KLHL3: variants seen among roughly 807,000 people sequenced by gnomAD.
KLHL3 encodes kelch like family member 3, also known as kelch-like protein 3.
A neutral mutation model predicts 70.5 loss-of-function variants in KLHL3; 19 were observed. The observed-to-expected ratio is 0.27, with a 90% CI of 0.19 to 0.40. The LOEUF (loss-of-function observed/expected upper bound fraction) is 0.40, where lower values mean the gene tolerates loss of function less well. Among genes scored for constraint, KLHL3 ranks in the 10% least tolerant of loss-of-function variants. The probability of loss-of-function intolerance (pLI) is 1.00; values close to 1 mark genes in which losing one functional copy is unlikely to be tolerated. For missense variants in KLHL3, 512 were observed against 771.1 expected, an observed-to-expected ratio of 0.66 and a Z score of 3.98; for synonymous variants, 258 against 290.3, an observed-to-expected ratio of 0.89 and a Z score of 1.13.
chr5:137,673,197 G>A (rs1004239542), intron 6 of KLHL3, among the ~76,000 whole-genome samples: 3 of 152,166 alleles, frequency 2.0e-5, no homozygotes, highest in African/African-American at 7.2e-5. Flanking sequence ...TTAAATGAAG[G>A]TTGCCAGGTG....
chr5:137,702,739 A>G (rs1018643995), intron 3 of KLHL3, among the ~76,000 whole-genome samples: 10 of 152,198 alleles, frequency 6.6e-5, no homozygotes, highest in African/African-American at 2.4e-4. Context: ...AATATCAGGT[A>G]AAAGATGATG....
chr5:137,629,560 T>C (rs3777376), intron 12 of KLHL3: 26,141 of 152,260 alleles, frequency 0.17, 2,524 homozygotes, highest in Non-Finnish European at 0.22. Flanking sequence ...TTGTAGACTA[T>C]AACTCCATAT....
At chr5:137,623,397 G>A (rs1177714192) in intron 14 of KLHL3, among the ~76,000 whole-genome samples, 1 of 152,188 alleles carries the variant, frequency 6.6e-6, no homozygotes, top group Admixed American at 6.5e-5. Flanking sequence ...CCTGGCTAAA[G>A]GTGCAGACAC....
In KLHL3 at chr5:137,709,799, G is replaced by C; in HGVS notation, c.192C>G (p.His64Gln). The C allele has an allele frequency of 6.2e-7, 1 of 1,614,142 alleles. No homozygotes were observed. Among genetic ancestry groups the C allele is most frequent in the Non-Finnish European group, 8.5e-7 (1 of 1,180,014 alleles). Residue 64 changes from histidine to glutamine, a missense_variant, in exon 3 of 15, where the codon CAC (histidine) becomes CAG (glutamine). By Grantham distance (24) the His-to-Gln change is conservative (BLOSUM62 0). Transcript: ENST00000309755. The stretch of plus-strand genomic sequence containing the variant: ...GGCTGCAGGCTGCCAGGACCACACG[G>C]TGGGCTTCTATCTCGACATCTTCTG... ...IVAEDVEIEA[H>Q]RVVLAACSPY...
At chr5:137,704,705 T>G (rs1240032927) in intron 3 of KLHL3, among the ~76,000 whole-genome samples, 1 of 152,174 alleles carries the variant, frequency 6.6e-6, no homozygotes, top group African/African-American at 2.4e-5. Flanking sequence ...CAGTCTCTAT[T>G]CCTGAGCACC....
chr5:137,627,584 T>A (rs993315750), intron 13 of KLHL3, among the ~76,000 whole-genome samples: 6 of 151,236 alleles, frequency 4.0e-5, no homozygotes, highest in African/African-American at 1.2e-4. Flanking sequence ...TGTGTGTCCT[T>A]CCAGCCTGGG....
intron 2 of KLHL3, among the ~76,000 whole-genome samples, chr5:137,715,068 G>A (rs1431149013): frequency 6.6e-6 from 1 of 152,206 alleles, no homozygotes; most frequent in Non-Finnish European, 1.5e-5. Context: ...TTTGCTTGCT[G>A]GATGGTAAGT....
chr5:137,731,483 G>T (rs193022408), intron 1 of KLHL3, among the ~76,000 whole-genome samples: 1 of 152,168 alleles, frequency 6.6e-6, no homozygotes, highest in South Asian at 2.1e-4. Flanking sequence ...AACATTTAAA[G>T]TGTACTGGCT....
intron 11 of KLHL3, among the ~76,000 whole-genome samples, chr5:137,635,454 C>T (rs771274621): frequency 4.6e-5 from 7 of 152,212 alleles, no homozygotes; most frequent in African/African-American, 7.2e-5. Flanking sequence ...GGAGCTTCTG[C>T]CTACACTCCA....
At chr5:137,663,452 G>A (rs1405129101) in intron 6 of KLHL3, among the ~76,000 whole-genome samples, 4 of 151,242 alleles carry the variant, frequency 2.6e-5, no homozygotes, top group East Asian at 1.9e-4. Context: ...CATAACCTCC[G>A]CACATCCTCC....
intron 8 of KLHL3, among the ~76,000 whole-genome samples, chr5:137,650,783 T>G (rs933495997): frequency 6.7e-6 from 1 of 149,022 alleles, no homozygotes; most frequent in Non-Finnish European, 1.5e-5. Flanking sequence ...GATCGTGCCA[T>G]TGCACTCCAG....
chr5:137,735,509 T>C, intron 1 of KLHL3, 124 bp downstream of exon 1: 1 of 769,518 alleles, frequency 1.3e-6, no homozygotes, highest in Non-Finnish European at 2.4e-6. Context: ...CCCTTTAAGA[T>C]CCATCAGTGG....
chr5:137,673,272 T>C (rs970055062), intron 6 of KLHL3, among the ~76,000 whole-genome samples: 2 of 152,164 alleles, frequency 1.3e-5, no homozygotes, highest in Non-Finnish European at 2.9e-5. Flanking sequence ...TTACAAGCAG[T>C]TGCAATTTCC....
At chr5:137,731,796 G>A (rs958759696) in intron 1 of KLHL3, among the ~76,000 whole-genome samples, 5 of 152,084 alleles carry the variant, frequency 3.3e-5, no homozygotes, top group African/African-American at 1.2e-4. Context: ...CAAAGTTGTG[G>A]TGCTCTGTAA....
chr5:137,633,445 C>T (rs1254347974), intron 12 of KLHL3, among the ~76,000 whole-genome samples: 1 of 151,984 alleles, frequency 6.6e-6, no homozygotes, highest in East Asian at 1.9e-4. Context: ...TACCATTTGA[C>T]CCAGCAATCC....
At chr5:137,681,798 G>C (rs76266305) in intron 5 of KLHL3, among the ~76,000 whole-genome samples, 146 of 152,152 alleles carry the variant, frequency 9.6e-4, no homozygotes, top group African/African-American at 3.3e-3. Flanking sequence ...AAGAGTTCTG[G>C]TTAAGAGTCC....
intron 8 of KLHL3, among the ~76,000 whole-genome samples, chr5:137,654,015 T>C (rs1021334033): frequency 9.9e-5 from 15 of 152,184 alleles, no homozygotes; most frequent in Admixed American, 2.6e-4. Flanking sequence ...TACAGCATGA[T>C]TCCATTTATA....
intron 6 of KLHL3, among the ~76,000 whole-genome samples, chr5:137,669,643 C>A (rs150216308): frequency 9.9e-5 from 15 of 151,402 alleles, no homozygotes; most frequent in South Asian, 4.2e-4. Context: ...AGCTGAGAGA[C>A]GTCAGTGGTA....
At chr5:137,665,485 T>C (rs1253863920) in intron 6 of KLHL3, among the ~76,000 whole-genome samples, 1 of 152,144 alleles carries the variant, frequency 6.6e-6, no homozygotes, top group Non-Finnish European at 1.5e-5. Flanking sequence ...TTAAGCAAAA[T>C]GAAAGATTAA....
Sources: gnomAD v4.1 joint callset for allele counts (sites outside exome capture counted in the v4.1 genomes callset) on GRCh38, gnomAD v4.1.1 for gene constraint, MANE v1.5 for transcripts, NCBI Gene and HGNC (gene_info 2026-07-23, HGNC 2026-07-21) for gene names.